Variants in AGAP1 observed in about 807,000 individuals in gnomAD.
AGAP1 encodes the protein arf-GAP with GTPase, ANK repeat and PH domain-containing protein 1.
A neutral mutation model predicts 105.3 loss-of-function variants in AGAP1; 29 were observed. That is an observed-to-expected ratio of 0.28 (90% CI 0.21 to 0.38). The LOEUF (loss-of-function observed/expected upper bound fraction) is 0.38, where lower values mean the gene tolerates loss of function less well. Ranked by LOEUF, AGAP1 falls within the 10% of genes least tolerant of loss-of-function variation. The probability of loss-of-function intolerance (pLI) is 1.00; values close to 1 mark genes in which losing one functional copy is unlikely to be tolerated. For synonymous variants in AGAP1, 509 were observed against 485.9 expected (o/e 1.05, Z -0.63); for missense variants, 998 against 1,165.1 (o/e 0.86, Z 2.09).
chr2:236,101,421 C>T lies in AGAP1; in HGVS notation c.2115-18771C>T, dbSNP rs964059179. On this transcript the variant is annotated intron_variant, in intron 16 of 17. Transcript: ENST00000304032. The surrounding 1 kb of genome is among the most constrained non-coding windows in gnomAD (Gnocchi z 4.9). ...GAATGTGTCGCCGTGTCATAGCCTG[C>T]GACCTTCTCTTTCTCAGGTTTGACA... Among the ~76,000 whole-genome samples, 2 of 152,132 alleles carry T rather than the reference C, an allele frequency of 1.3e-5. No homozygotes were observed. The highest frequency in any genetic ancestry group is 1.9e-4 in the East Asian group (1 of 5,180).
At chr2:236,075,058 G>C (rs936379991) in intron 16 of AGAP1, among the ~76,000 whole-genome samples, 1 of 151,946 alleles carries the variant, frequency 6.6e-6, no homozygotes, top group Admixed American at 6.6e-5. Flanking sequence ...CTCTCAAAAA[G>C]AAAAAAGCGA....
At position 235,728,433 on chromosome 2, in the gene AGAP1, T is replaced by C. The variant is rs1481429149; in HGVS notation, c.310+10789T>C. Among the ~76,000 whole-genome samples the C allele has an allele frequency of 6.6e-6, 1 of 152,060 alleles. No individual in the cohort carries two copies. The highest frequency in any genetic ancestry group is 1.5e-5 in the Non-Finnish European group (1 of 68,018). ...TGGCTTAAACTAACAAATTCATGAATGATTGACCCAGACCAGAAATGGAAA... is the reference window on the plus strand; with the variant it reads ...TGGCTTAAACTAACAAATTCATGAACGATTGACCCAGACCAGAAATGGAAA... On this transcript the variant is annotated intron_variant, in intron 3 of 17. Transcript: ENST00000304032. This position sits in a 1 kb window ranked among gnomAD's most constrained non-coding sequence, Gnocchi z 4.3.
intron 1 of AGAP1, among the ~76,000 whole-genome samples, chr2:235,640,037 T>G (rs1947138001): frequency 6.6e-6 from 1 of 152,262 alleles, no homozygotes; most frequent in South Asian, 2.1e-4. Flanking sequence ...TAGGGCAACC[T>G]AATTGCATTT....
rs572100310 is a variant in AGAP1, at chr2:235,962,122, G to A, written c.1484-6340G>A. Among the ~76,000 whole-genome samples the A allele has an allele frequency of 1.3e-5, 2 of 152,322 alleles. No individual in the cohort carries two copies. Among genetic ancestry groups the A allele is most frequent in the Admixed American group, 6.5e-5 (1 of 15,292 alleles). On this transcript the variant is annotated intron_variant, in intron 12 of 17. Coordinates refer to ENST00000304032, the MANE Select transcript of AGAP1 (RefSeq NM_001037131.3). The surrounding 1 kb of genome is among the most constrained non-coding windows in gnomAD (Gnocchi z 5.3). ...AAAGTGAGGTCATCGTGAGGATGGTGTGGGGCGTGGGGTGTTTGAAGCGGG... is the reference window on the plus strand; with the variant it reads ...AAAGTGAGGTCATCGTGAGGATGGTATGGGGCGTGGGGTGTTTGAAGCGGG...
rs1161280534 is a variant in AGAP1, at chr2:235,716,390, A to G, written c.223-1167A>G. On this transcript the variant is annotated intron_variant, in intron 2 of 17. Transcript: ENST00000304032. The surrounding 1 kb of genome is among the most constrained non-coding windows in gnomAD (Gnocchi z 4.0). ...AGCGAGACAGGCTAGTGGCTTTGAA[A>G]TGGAAGTTGCGGGTGACCTAGTGGG... Among the ~76,000 whole-genome samples, 1 of 152,144 alleles carries G rather than the reference A, an allele frequency of 6.6e-6. No individual in the cohort carries two copies. The highest frequency in any genetic ancestry group is 2.4e-5 in the African/African-American group (1 of 41,454).
chr2:235,527,101 T>C (rs7590831), intron 1 of AGAP1, among the ~76,000 whole-genome samples: 146,785 of 152,280 alleles, frequency 0.96, 70,812 homozygotes, highest in East Asian at 1. Flanking sequence ...CCATGACATG[T>C]AGCAATCAGT....
Position 236,095,649 on chromosome 2 carries a change from C to T in AGAP1, c.2115-24543C>T, listed in dbSNP as rs556004228. On this transcript the variant is annotated intron_variant, in intron 16 of 17. Transcript: ENST00000304032. This position sits in a 1 kb window ranked among gnomAD's most constrained non-coding sequence, Gnocchi z 4.1. ...GTGCTTACAGTGTTGTGGTAATGTA[C>T]TTTGATGGAGTCAAGTTTGCAAAAA... Among the ~76,000 whole-genome samples, 1 of 152,252 alleles carries T rather than the reference C, an allele frequency of 6.6e-6. No individual in the cohort carries two copies. Among genetic ancestry groups the T allele is most frequent in the East Asian group, 1.9e-4 (1 of 5,188 alleles).
chr2:235,629,081 A>G (rs1946735905), intron 1 of AGAP1, among the ~76,000 whole-genome samples: 1 of 152,130 alleles, frequency 6.6e-6, no homozygotes, highest in Admixed American at 6.6e-5. Flanking sequence ...AAGTGCTGGG[A>G]TTATAGGTGT....
chr2:235,603,279 C>T (rs1396092158), intron 1 of AGAP1, among the ~76,000 whole-genome samples: 7 of 152,158 alleles, frequency 4.6e-5, no homozygotes, highest in Non-Finnish European at 5.9e-5. Context: ...GATTGTGAGG[C>T]CTCCCCAGCC....
chr2:236,109,142 GC>G lies in AGAP1; in HGVS notation c.2115-11049del, dbSNP rs142324193. Reference sequence around the variant, plus strand: ...GTTGTGTGTAGGTGTGACTCTCCCCGCGCTCTCCAGGTGTCCCCAGAGGTCT... The same window carrying G: ...GTTGTGTGTAGGTGTGACTCTCCCCGGCTCTCCAGGTGTCCCCAGAGGTCT... On this transcript the variant is annotated intron_variant, in intron 16 of 17. Transcript: ENST00000304032. This position sits in a 1 kb window ranked among gnomAD's most constrained non-coding sequence, Gnocchi z 5.4. 7.5e-3 allele frequency among the ~76,000 whole-genome samples: 1,136 copies of G among 152,172 alleles called. 11 individuals carry two copies. Among genetic ancestry groups the G allele is most frequent in the African/African-American group, 0.026 (1,088 of 41,496 alleles).
At chr2:235,828,566 GGTGT>G (rs1326275431) in intron 9 of AGAP1, among the ~76,000 whole-genome samples, 4 of 152,080 alleles carry the variant, frequency 2.6e-5, no homozygotes, top group African/African-American at 9.7e-5. Flanking sequence ...CTTGCCCAGG[GGTGT>G]GTATGTCTTA....
intron 12 of AGAP1, among the ~76,000 whole-genome samples, chr2:235,933,839 G>T (rs924706832): frequency 1.3e-5 from 2 of 152,132 alleles, no homozygotes; most frequent in Non-Finnish European, 2.9e-5. Context: ...CCTTTCTAAG[G>T]ATTAATAGTA....
rs1260554077 is a variant in AGAP1, at chr2:236,002,906, G to A, written c.1646-33655G>A. On this transcript the variant is annotated intron_variant, in intron 13 of 17. Coordinates refer to ENST00000304032, the MANE Select transcript of AGAP1 (RefSeq NM_001037131.3). This position sits in a 1 kb window ranked among gnomAD's most constrained non-coding sequence, Gnocchi z 4.3. ...GGTGAAGTTTGTGTGTGAACAGGAG[G>A]GCCGGGGTCGCTGGGTTCCAGGCGC... 1.3e-5 allele frequency among the ~76,000 whole-genome samples: 2 copies of A among 152,066 alleles called. No homozygotes were observed. The highest frequency in any genetic ancestry group is 4.8e-5 in the African/African-American group (2 of 41,380).
Position 235,739,793 on chromosome 2 carries a change from T to G in AGAP1, c.311-1170T>G, listed in dbSNP as rs1952468024. Among the ~76,000 whole-genome samples the G allele has an allele frequency of 6.6e-6, 1 of 152,274 alleles. No homozygotes were observed. The highest frequency in any genetic ancestry group is 1.9e-4 in the East Asian group (1 of 5,156). ...TTTCAGGCTGGGATGGGGACTCTGA[T>G]TTTTTGCTTCTCAGGCACTGATGTG... On this transcript the variant is annotated intron_variant, in intron 3 of 17. Coordinates refer to ENST00000304032, the MANE Select transcript of AGAP1 (RefSeq NM_001037131.3). The surrounding 1 kb of genome is among the most constrained non-coding windows in gnomAD (Gnocchi z 5.3).
chr2:236,120,291 G>A lies in AGAP1; in HGVS notation c.2214G>A (p.Arg738=). 2 of 1,612,892 alleles carry A rather than the reference G, an allele frequency of 1.2e-6. No homozygotes were observed. The highest frequency in any genetic ancestry group is 1.7e-6 in the Non-Finnish European group (2 of 1,179,704). ...TELSLGQHLL[R]ATADEDLRTA... ...TGTCCCTGGGCCAGCACCTGCTGCG[G>A]GCCACCGCCGACGAGGACCTGCGGA... Residue 738 remains arginine, a synonymous_variant, in exon 17 of 18, where the codon CGG becomes CGA. Transcript: ENST00000304032. This position sits in a 1 kb window ranked among gnomAD's most constrained non-coding sequence, Gnocchi z 6.0.
rs964235063 is a variant in AGAP1, at chr2:236,119,958, G to T, written c.2115-234G>T. Among the ~76,000 whole-genome samples, 3 of 152,236 alleles carry T rather than the reference G, an allele frequency of 2.0e-5. No individual in the cohort carries two copies. The highest frequency in any genetic ancestry group is 7.2e-5 in the African/African-American group (3 of 41,472). On this transcript the variant is annotated intron_variant, in intron 16 of 17. Coordinates refer to ENST00000304032, the MANE Select transcript of AGAP1 (RefSeq NM_001037131.3). The surrounding 1 kb of genome is among the most constrained non-coding windows in gnomAD (Gnocchi z 6.6). Reference sequence around the variant, plus strand: ...AAACACCCCGAGAGGTTTGGATTCAGGGGGTCTGGGGCGTGACCTGAGAAT... The same window carrying T: ...AAACACCCCGAGAGGTTTGGATTCATGGGGTCTGGGGCGTGACCTGAGAAT...
rs954027794 is a variant in AGAP1 at position 235,716,398 on chromosome 2, T to C, written c.223-1159T>C. ...AGGCTAGTGGCTTTGAAATGGAAGT[T>C]GCGGGTGACCTAGTGGGCAGTTTCC... On this transcript the variant is annotated intron_variant, in intron 2 of 17. Coordinates refer to ENST00000304032, the MANE Select transcript of AGAP1 (RefSeq NM_001037131.3). The surrounding 1 kb of genome is among the most constrained non-coding windows in gnomAD (Gnocchi z 4.0). Among the ~76,000 whole-genome samples, 2 of 152,018 alleles carry C rather than the reference T, an allele frequency of 1.3e-5. No homozygotes were observed. Among genetic ancestry groups the C allele is most frequent in the Admixed American group, 1.3e-4 (2 of 15,264 alleles).
intron 1 of AGAP1, among the ~76,000 whole-genome samples, chr2:235,534,422 T>C (rs1230620644): frequency 2.0e-5 from 3 of 151,864 alleles, no homozygotes; most frequent in Non-Finnish European, 4.4e-5. Flanking sequence ...AATGTACACC[T>C]AAAAAAAATA....
rs567568493 is a variant in AGAP1, at chr2:235,754,223, G to A, written c.673+3735G>A. Among the ~76,000 whole-genome samples, 1 of 152,168 alleles carries A rather than the reference G, an allele frequency of 6.6e-6. No individual in the cohort carries two copies. Among genetic ancestry groups the A allele is most frequent in the African/African-American group, 2.4e-5 (1 of 41,446 alleles). On this transcript the variant is annotated intron_variant, in intron 6 of 17. Transcript: ENST00000304032. This position sits in a 1 kb window ranked among gnomAD's most constrained non-coding sequence, Gnocchi z 4.6. ...ACACACCAGCTTTGCCCACAGGTCT[G>A]GGGAGGGCCTTGCAGGGGATGCACC...
Sources: allele counts gnomAD v4.1 joint callset (sites outside exome capture counted in the v4.1 genomes callset), GRCh38; gene constraint gnomAD v4.1.1; non-coding constraint Gnocchi (gnomAD v3.1); transcripts MANE v1.5; gene names NCBI Gene and HGNC (gene_info 2026-07-23, HGNC 2026-07-21).